Variants in DTWD2 observed in about 807,000 individuals in gnomAD.
DTWD2 encodes the protein tRNA-uridine aminocarboxypropyltransferase 2.
A neutral mutation model predicts 31.8 loss-of-function variants in DTWD2; 39 were observed. The observed-to-expected ratio is 1.22, with a 90% CI of 0.95 to 1.60. DTWD2 has a LOEUF of 1.60. Among genes scored for constraint, DTWD2 ranks in the 40% most tolerant of loss-of-function variants. DTWD2 has a pLI of 0.00. For missense variants in DTWD2, 515 were observed against 381.5 expected, an observed-to-expected ratio of 1.35 and a Z score of -2.92; for synonymous variants, 180 against 142.8, an observed-to-expected ratio of 1.26 and a Z score of -1.86.
chr5:118,978,595 G>A (rs1436482844), intron 1 of DTWD2, among the ~76,000 whole-genome samples: 1 of 152,136 alleles, frequency 6.6e-6, no homozygotes, highest in African/African-American at 2.4e-5. Flanking sequence ...CTCAAAAGAA[G>A]ACATTCATGT....
intron 4 of DTWD2, among the ~76,000 whole-genome samples, chr5:118,924,622 T>C (rs1753772722): frequency 6.6e-6 from 1 of 152,198 alleles, no homozygotes; most frequent in Non-Finnish European, 1.5e-5. Context: ...GAACAGGCAA[T>C]TTTTCAAGAA....
Position 118,913,400 on chromosome 5 carries a change from GATATAT to G in DTWD2, c.597+15131_597+15136del, listed in dbSNP as rs1284016816. Among the ~76,000 whole-genome samples the G allele has an allele frequency of 8.8e-5, 12 of 136,164 alleles. No individual in the cohort carries two copies. The Admixed American group carries it at 9.4e-4, about 11-fold the overall frequency. 89.3% of individuals were successfully genotyped at this position (136,164 alleles called of 152,430 possible). On this transcript the variant is annotated intron_variant, in intron 4 of 5. Coordinates refer to ENST00000510708, the MANE Select transcript of DTWD2 (RefSeq NM_173666.4). Reference sequence around the variant, plus strand: ...TAATCACATGAACCATATATATATAGATATATATAGATATATATAGATATATATATA... The same window carrying G: ...TAATCACATGAACCATATATATATAGATAGATATATATAGATATATATATA...
chr5:118,943,510 C>T (rs1026220208), intron 2 of DTWD2, among the ~76,000 whole-genome samples: 25 of 148,604 alleles, frequency 1.7e-4, no homozygotes, highest in Non-Finnish European at 7.4e-5. Flanking sequence ...GAGATCGCGC[C>T]ACTGCACTCC....
intron 3 of DTWD2, among the ~76,000 whole-genome samples, chr5:118,938,500 TACC>T (rs1460790467): frequency 1.3e-5 from 2 of 152,192 alleles, no homozygotes; most frequent in Non-Finnish European, 2.9e-5. Flanking sequence ...ATCATTCAAT[TACC>T]ACATTTATAT....
In DTWD2 at chr5:118,914,880, C is replaced by T. The variant is rs1405330247; in HGVS notation, c.597+13657G>A. On this transcript the variant is annotated intron_variant, in intron 4 of 5. Transcript: ENST00000510708. The stretch of plus-strand genomic sequence containing the variant: ...GCATCCTGGGTGATGAATACACATT[C>T]AATAAAATTTGTCACCATTCCTGGT... Among the ~76,000 whole-genome samples the T allele has an allele frequency of 2.6e-5, 4 of 152,260 alleles. No homozygotes were observed. In the East Asian group the frequency reaches 7.7e-4, roughly 29 times the overall value.
chr5:118,975,268 T>C (rs559294374), intron 1 of DTWD2, among the ~76,000 whole-genome samples: 5 of 152,238 alleles, frequency 3.3e-5, no homozygotes, highest in African/African-American at 9.6e-5. Flanking sequence ...CTTTATTTCA[T>C]TGAGTTTATC....
intron 4 of DTWD2, among the ~76,000 whole-genome samples, chr5:118,851,232 A>AG (rs1043125802): frequency 2.6e-5 from 4 of 151,686 alleles, no homozygotes; most frequent in African/African-American, 7.3e-5. Context: ...AAAAAAAAAA[A>AG]AAAAAAGAAA....
At chr5:118,905,498 T>A (rs1753307605) in intron 4 of DTWD2, among the ~76,000 whole-genome samples, 3 of 152,150 alleles carry the variant, frequency 2.0e-5, no homozygotes, top group African/African-American at 7.2e-5. Flanking sequence ...ATAACTGCAA[T>A]CATCCTGCTC....
In DTWD2 at chr5:118,837,331, A is replaced by G. The variant is rs1408679891; in HGVS notation, c.*3586T>C. 1 of 152,224 alleles carries G rather than the reference A, an allele frequency of 6.6e-6. No homozygotes were observed. Among genetic ancestry groups the G allele is most frequent in the African/African-American group, 2.4e-5 (1 of 41,460 alleles). 9.4% of individuals were successfully genotyped at this position (152,224 alleles called of 1,614,324 possible). A position where few individuals can be genotyped will look rare whatever the true frequency, so the allele number is the denominator to read the frequency against. On this transcript the variant is annotated 3_prime_UTR_variant, in exon 6 of 6. Transcript: ENST00000510708. Reference sequence around the variant, plus strand: ...AAAGTTTCATTCCATCTATAATGCAATATTATTTATTCATAAAAATATCCA... The same window carrying G: ...AAAGTTTCATTCCATCTATAATGCAGTATTATTTATTCATAAAAATATCCA...
At position 118,966,728 on chromosome 5, in the gene DTWD2, C is replaced by A. The variant is rs1250322196; in HGVS notation, c.218+21566G>T. ...TTTCCCTAACAGTTCTCCATAATTA[C>A]AAATTAAAAGTCAATCAGAGGCCAG... On this transcript the variant is annotated intron_variant, in intron 1 of 5. Coordinates refer to ENST00000510708, the MANE Select transcript of DTWD2 (RefSeq NM_173666.4). Among the ~76,000 whole-genome samples, 3 of 152,138 alleles carry A rather than the reference C, an allele frequency of 2.0e-5. No homozygotes were observed. In the South Asian group the frequency reaches 6.2e-4, roughly 32 times the overall value.
intron 2 of DTWD2, among the ~76,000 whole-genome samples, chr5:118,943,170 G>C (rs1052529336): frequency 2.0e-5 from 3 of 152,158 alleles, no homozygotes; most frequent in Admixed American, 1.3e-4. Context: ...AATTTGAGCT[G>C]TACAATGTTT....
chr5:118,879,759 A>G (rs1454232178), intron 4 of DTWD2, among the ~76,000 whole-genome samples: 1 of 152,194 alleles, frequency 6.6e-6, no homozygotes, highest in African/African-American at 2.4e-5. Context: ...TGATGAGAAC[A>G]CAGGAATACA....
intron 4 of DTWD2, among the ~76,000 whole-genome samples, chr5:118,857,148 G>T (rs914510939): frequency 8.5e-5 from 13 of 152,110 alleles, no homozygotes; most frequent in Admixed American, 6.6e-4. Flanking sequence ...TTAAAAAAAA[G>T]TTTGAAAATT....
At chr5:118,971,509 A>T (rs1412849901) in intron 1 of DTWD2, among the ~76,000 whole-genome samples, 1 of 152,100 alleles carries the variant, frequency 6.6e-6, no homozygotes, top group Non-Finnish European at 1.5e-5. Context: ...CTACAAAGAG[A>T]CTGACTCCCA....
intron 4 of DTWD2, among the ~76,000 whole-genome samples, chr5:118,878,423 A>G (rs1299397462): frequency 6.6e-6 from 1 of 152,202 alleles, no homozygotes; most frequent in Non-Finnish European, 1.5e-5. Context: ...AGGAGTCCCT[A>G]TTCAATAAAT....
At chr5:118,935,080 T>C (rs560894410) in intron 3 of DTWD2, among the ~76,000 whole-genome samples, 1 of 152,148 alleles carries the variant, frequency 6.6e-6, no homozygotes, top group African/African-American at 2.4e-5. Context: ...CAGTGGCCAA[T>C]GGCTTAATCA....
chr5:118,841,097 G>GA lies in DTWD2; in HGVS notation c.727-11dup. The GA allele has an allele frequency of 6.3e-7, 1 of 1,597,372 alleles. No homozygotes were observed. Among genetic ancestry groups the GA allele is most frequent in the Non-Finnish European group, 8.5e-7 (1 of 1,171,922 alleles). ...GAGGGCGAAGCAAAGTCTGTCAAGA[G>GA]AAAAAAGACACTAAAAAAGTATCTG... On this transcript the variant is annotated splice_polypyrimidine_tract_variant and intron_variant, in intron 5 of 5. Transcript: ENST00000510708.
chr5:118,867,939 T>C (rs943584613), intron 4 of DTWD2, among the ~76,000 whole-genome samples: 1 of 152,146 alleles, frequency 6.6e-6, no homozygotes, highest in Non-Finnish European at 1.5e-5. Flanking sequence ...AAAATTCATA[T>C]GAAATCTCAA....
chr5:118,851,900 A>C (rs918449439), intron 4 of DTWD2, among the ~76,000 whole-genome samples: 1 of 152,124 alleles, frequency 6.6e-6, no homozygotes, highest in East Asian at 1.9e-4. Context: ...TCTGACCTCA[A>C]ATTTACCAGG....
Sources: allele counts gnomAD v4.1 joint callset (sites outside exome capture counted in the v4.1 genomes callset), GRCh38; gene constraint gnomAD v4.1.1; transcripts MANE v1.5; gene names NCBI Gene and HGNC (gene_info 2026-07-23, HGNC 2026-07-21).